Variants in POLI observed in about 807,000 individuals in gnomAD.
POLI encodes RAD30 homolog B.
POLI carries 58 observed loss-of-function variants against 51.6 expected under a neutral mutation model. That is an observed-to-expected ratio of 1.12 (90% confidence interval 0.91 to 1.40). POLI has a LOEUF of 1.40. Among genes scored for constraint, POLI ranks in the 40% most tolerant of loss-of-function variants. POLI has a pLI of 0.00. For synonymous variants in POLI, 322 were observed against 299.7 expected (o/e 1.07, Z -0.77); for missense variants, 921 against 871.3 (o/e 1.06, Z -0.72).
Position 54,287,357 on chromosome 18 carries a change from C to T in POLI, c.1144C>T (p.Arg382Cys), listed in dbSNP as rs149914424. The change falls in exon 8 of 10, where the codon CGT becomes TGT. Residue 382 changes from arginine (R) to cysteine (C), a missense_variant. By Grantham distance (180) the Arg-to-Cys change is radical. Transcript: ENST00000579534. Reference protein sequence around the residue: ...RRYSSEKHYGRESRQCPIPSH... With the variant: ...RRYSSEKHYGCESRQCPIPSH... ...GTATTCCTCTGAGAAGCACTATGGT[C>T]GTGAGAGTCGTCAGTGCCCTATTCC... 2.1e-5 allele frequency: 33 copies of T among 1,601,316 alleles called. No individual in the cohort carries two copies. The highest frequency in any genetic ancestry group is 9.4e-5 in the African/African-American group (7 of 74,792).
intron 6 of POLI, among the ~76,000 whole-genome samples, chr18:54,283,376 AT>A (rs951668270): frequency 2.6e-5 from 4 of 152,096 alleles, no homozygotes; most frequent in Non-Finnish European, 5.9e-5. Context: ...ACATTGACTG[AT>A]TTTTTTGCTA....
intron 3 of POLI, among the ~76,000 whole-genome samples, chr18:54,314,565 A>G (rs958311975): frequency 6.6e-6 from 1 of 151,936 alleles, no homozygotes; most frequent in Non-Finnish European, 1.5e-5. Context: ...GCTCTTCTTT[A>G]TATGTCTTAT....
At chr18:54,304,504 A>C (rs1793370851) in intron 3 of POLI, among the ~76,000 whole-genome samples, 4 of 152,212 alleles carry the variant, frequency 2.6e-5, no homozygotes, top group African/African-American at 9.7e-5. Flanking sequence ...CATTTCTCTG[A>C]TGACCAGTGA....
At chr18:54,275,700 A>G (rs936430110) in intron 3 of POLI, among the ~76,000 whole-genome samples, 16 of 152,084 alleles carry the variant, frequency 1.1e-4, no homozygotes, top group African/African-American at 3.6e-4. Context: ...ATTTTTTCAT[A>G]TATTTTTGGT....
intron 3 of POLI, among the ~76,000 whole-genome samples, chr18:54,316,882 C>T (rs2088739865): frequency 6.6e-6 from 1 of 152,074 alleles, no homozygotes. Flanking sequence ...GATTAAAGTA[C>T]TGTAAGGAAG....
At chr18:54,313,415 T>C (rs981491271) in intron 3 of POLI, among the ~76,000 whole-genome samples, 2 of 152,170 alleles carry the variant, frequency 1.3e-5, no homozygotes, top group Non-Finnish European at 2.9e-5. Context: ...TTCTTTTTGC[T>C]TAGGATTGCT....
In POLI at chr18:54,293,888, T is replaced by C. The variant is rs1313542753; in HGVS notation, c.1644T>C (p.Ser548=). The C allele has an allele frequency of 8.7e-6, 14 of 1,613,114 alleles. No individual in the cohort carries two copies. Among genetic ancestry groups the C allele is most frequent in the Non-Finnish European group, 1.1e-5 (13 of 1,179,448 alleles). The change falls in exon 10 of 10, where the codon TCT becomes TCC. Residue 548 remains serine (S), a synonymous_variant. Coordinates refer to ENST00000579534, the MANE Select transcript of POLI (RefSeq NM_007195.3). ...DIQEEILSGK[S]REKFQGKGSV... ...AAGAAGAAATCCTTTCTGGAAAATC[T>C]AGGGAAAAATTTCAAGGGAAAGGAA...
Position 54,282,866 on chromosome 18 carries a change from G to A in POLI, c.826G>A (p.Glu276Lys), listed in dbSNP as rs3218783. The change falls in exon 6 of 10, where the codon GAA becomes AAA. Residue 276 changes from glutamate (E) to lysine (K), a missense_variant. Glu to Lys is a moderately conservative substitution (Grantham distance 56). Coordinates refer to ENST00000579534, the MANE Select transcript of POLI (RefSeq NM_007195.3). The stretch of plus-strand genomic sequence containing the variant: ...TGGCTATAAAACTGCCAAATGTCTT[G>A]AAGCACTGGGTATCAATAGTGTGCG... Reference protein sequence around the residue: ...GIGYKTAKCLEALGINSVRDL... With the variant: ...GIGYKTAKCLKALGINSVRDL... 2,302 of 1,567,194 alleles carry A rather than the reference G, an allele frequency of 1.5e-3. No homozygotes were observed. Among genetic ancestry groups the A allele is most frequent in the Non-Finnish European group, 1.9e-3 (2,216 of 1,153,702 alleles).
intron 9 of POLI, among the ~76,000 whole-genome samples, chr18:54,292,580 C>T (rs1392492576): frequency 6.6e-6 from 1 of 152,046 alleles, no homozygotes; most frequent in Non-Finnish European, 1.5e-5. Context: ...TAAAACAAAA[C>T]CCTTTTATTA....
intron 3 of POLI, among the ~76,000 whole-genome samples, chr18:54,315,564 T>G (rs1421554691): frequency 1.3e-5 from 2 of 152,180 alleles, no homozygotes; most frequent in Non-Finnish European, 2.9e-5. Flanking sequence ...AGTGGGGTGG[T>G]GAAGTCTCTA....
At chr18:54,275,674 A>G (rs1197836805) in intron 3 of POLI, among the ~76,000 whole-genome samples, 2 of 152,224 alleles carry the variant, frequency 1.3e-5, no homozygotes, top group African/African-American at 4.8e-5. Context: ...GCAGTTTTCC[A>G]TGAGTAAGGT....
At position 54,274,015 on chromosome 18, in the gene POLI, G is replaced by C. The variant is rs1417324341; in HGVS notation, c.331G>C (p.Glu111Gln). The C allele has an allele frequency of 1.3e-6, 2 of 1,582,620 alleles. No homozygotes were observed. The highest frequency in any genetic ancestry group is 8.6e-7 in the Non-Finnish European group (1 of 1,162,768). ...ACTTATGAATGTCAGAGATGCAAAA[G>C]AAAAGTGTCCACAGTTGGTATTAGT... ...KKLMNVRDAK[E>Q]KCPQLVLVNG... is the part of the protein sequence containing the mutation. The change falls in exon 3 of 10, where the codon GAA (glutamate) becomes CAA (glutamine). Residue 111 changes from glutamate (E) to glutamine (Q), a missense_variant. Physicochemically the swap from Glu to Gln is conservative, Grantham distance 29. Coordinates refer to ENST00000579534, the MANE Select transcript of POLI (RefSeq NM_007195.3).
chr18:54,305,822 T>C (rs900590346), intron 3 of POLI, among the ~76,000 whole-genome samples: 2 of 151,936 alleles, frequency 1.3e-5, no homozygotes, highest in African/African-American at 4.8e-5. Context: ...GCAGTGGTGC[T>C]ATCTCTGCTC....
Position 54,296,202 on chromosome 18 carries a change from C to T in POLI, c.*1735C>T, listed in dbSNP as rs1386640303. The T allele has an allele frequency of 1.0e-6, 1 of 984,700 alleles. No individual in the cohort carries two copies. Among genetic ancestry groups the T allele is most frequent in the African/African-American group, 1.7e-5 (1 of 57,156 alleles). 61.0% of individuals were successfully genotyped at this position (984,700 alleles called of 1,614,324 possible). On this transcript the variant is annotated 3_prime_UTR_variant, in exon 10 of 10. Transcript: ENST00000579534. ...TATAGTCCTTGTAATGATTTCAGGA[C>T]CTTGGACAGCTAGAAGGGGCTTAAG...
At chr18:54,303,093 T>C (rs991241175), downstream of POLI, among the ~76,000 whole-genome samples, 1 of 152,224 alleles carries the variant, frequency 6.6e-6, no homozygotes, top group African/African-American at 2.4e-5. Context: ...GAATTACAGC[T>C]GTGATATATA....
At chr18:54,276,052 G>C (rs1398434566) in intron 3 of POLI, among the ~76,000 whole-genome samples, 3 of 150,974 alleles carry the variant, frequency 2.0e-5, no homozygotes, top group South Asian at 4.2e-4. Context: ...AATGTATCTT[G>C]CTTATGAAGT....
rs1312975188 is a variant in POLI at position 54,297,375 on chromosome 18, T to C, written c.*2908T>C. ...CTGTTTCTCTCTTGAGTGTATAGTG[T>C]AGAGGGGGTTTCTGTCTTGAGTGTA... is the stretch of plus-strand genomic sequence containing the variant. On this transcript the variant is annotated 3_prime_UTR_variant, in exon 10 of 10. Coordinates refer to ENST00000579534, the MANE Select transcript of POLI (RefSeq NM_007195.3). The C allele has an allele frequency of 1.7e-5, 17 of 983,610 alleles. No homozygotes were observed. The highest frequency in any genetic ancestry group is 2.1e-5 in the Non-Finnish European group (17 of 828,564). The allele number at this position is 983,610 out of a possible 1,614,324, so 60.9% of individuals were successfully genotyped here.
rs767366229 is a variant in POLI at position 54,294,167 on chromosome 18, T to C, written c.1923T>C (p.Pro641=). Residue 641 remains proline, a synonymous_variant, in exon 10 of 10, where the codon CCT becomes CCC. Transcript: ENST00000579534. The part of the protein sequence containing the change: ...DERISQGPKE[P]QGFHFTNSNP... ...GAATAAGTCAAGGACCTAAAGAACC[T>C]CAAGGATTCCACTTTACAAATTCAA... is the stretch of plus-strand genomic sequence containing the variant. 2.5e-6 allele frequency: 4 copies of C among 1,612,494 alleles called. No homozygotes were observed. The East Asian group carries it at 8.9e-5, about 36-fold the overall frequency.
In POLI at chr18:54,305,566, T is replaced by G. The variant is rs1218560573; in HGVS notation, c.334-14707T>G. Among the ~76,000 whole-genome samples, 26 of 142,962 alleles carry G rather than the reference T, an allele frequency of 1.8e-4. 6 individuals carry two copies. The highest frequency in any genetic ancestry group is 2.8e-4 in the Non-Finnish European group (18 of 63,604). The allele number at this position is 142,962 out of a possible 152,430, so 93.8% of individuals were successfully genotyped here. On this transcript the variant is annotated intron_variant, in intron 3 of 4. Coordinates refer to the POLI transcript ENST00000579823. ...CATGATTTGACTCTCTGTTTGTCTG[T>G]TATTGGTGTATATGAATGCTTGTGA...
Sources: gnomAD v4.1 joint callset for allele counts (sites outside exome capture counted in the v4.1 genomes callset) on GRCh38, gnomAD v4.1.1 for gene constraint, MANE v1.5 for transcripts, NCBI Gene and HGNC (gene_info 2026-07-23, HGNC 2026-07-21) for gene names.